The following ZNF609 variants were observed in gnomAD, a reference collection of about 807,000 sequenced individuals.
ZNF609 encodes zinc finger protein 609.
In ZNF609, 11 loss-of-function variants were observed where a neutral mutation model predicts 109.5. That is an observed-to-expected ratio of 0.10 (90% CI 0.06 to 0.17). The LOEUF (loss-of-function observed/expected upper bound fraction) is 0.17, where lower values mean the gene tolerates loss of function less well. ZNF609 is among the 10% of genes least tolerant of loss of function. The pLI is 1.00. For missense variants in ZNF609, 1,559 were observed against 1,772.4 expected (o/e 0.88, Z 2.16); for synonymous variants, 646 against 662.0 (o/e 0.98, Z 0.37).
intron 2 of ZNF609, among the ~76,000 whole-genome samples, chr15:64,588,651 CTT>C (rs71133452): frequency 1.6e-4 from 22 of 135,746 alleles, no homozygotes; most frequent in Middle Eastern, 3.8e-3. Flanking sequence ...GGTCTGTAGT[CTT>C]TTTTTTTTTT....
intron 2 of ZNF609, among the ~76,000 whole-genome samples, chr15:64,588,442 A>AAAAAAAAAAAAAAAAACAAAAAAAAAAAG: frequency 1.3e-5 from 1 of 75,272 alleles, no homozygotes; most frequent in Non-Finnish European, 2.3e-5. Flanking sequence ...AAAAAAAAAA[A>AAAAAAAAAAAAAAAAACAAAAAAAAAAAG]AAGAAGAGGA....
At chr15:64,545,486 A>G (rs1208501857) in intron 2 of ZNF609, among the ~76,000 whole-genome samples, 1 of 152,226 alleles carries the variant, frequency 6.6e-6, no homozygotes, top group Non-Finnish European at 1.5e-5. Context: ...GGCATTAGCC[A>G]ACACACTTCG....
chr15:64,612,896 T>C (rs1049252882), intron 2 of ZNF609, among the ~76,000 whole-genome samples: 3 of 152,040 alleles, frequency 2.0e-5, no homozygotes, highest in African/African-American at 7.2e-5. Context: ...GCGTCTGTAA[T>C]CCCAGCTACC....
At chr15:64,555,946 G>A (rs1595717087) in intron 2 of ZNF609, among the ~76,000 whole-genome samples, 1 of 128,352 alleles carries the variant, frequency 7.8e-6, no homozygotes, top group African/African-American at 2.9e-5. Context: ...ATAGAAAACA[G>A]AAATCACCCA....
At chr15:64,528,238 C>T (rs1334765707) in intron 2 of ZNF609, among the ~76,000 whole-genome samples, 1 of 151,840 alleles carries the variant, frequency 6.6e-6, no homozygotes, top group African/African-American at 2.4e-5. Flanking sequence ...GGTGGGACTA[C>T]AGGTGCGTGC....
chr15:64,490,338 G>T (rs1893396905), intron 1 of ZNF609, among the ~76,000 whole-genome samples: 1 of 149,800 alleles, frequency 6.7e-6, no homozygotes, highest in South Asian at 2.1e-4. Context: ...CAATGGCACG[G>T]TCTCGGCTCA....
chr15:64,567,731 G>A (rs138542909), intron 2 of ZNF609, among the ~76,000 whole-genome samples: 119 of 151,368 alleles, frequency 7.9e-4, no homozygotes, highest in African/African-American at 2.8e-3. Context: ...GCACGATCTC[G>A]GCTCACTGCG....
intron 1 of ZNF609, among the ~76,000 whole-genome samples, chr15:64,464,688 A>G (rs532850628): frequency 7.2e-3 from 101 of 13,946 alleles, no homozygotes; most frequent in African/African-American, 8.5e-3. Flanking sequence ...TGTGACAGAC[A>G]AAATGAAGAT....
chr15:64,579,713 A>C lies in ZNF609; in HGVS notation c.748-43114A>C, dbSNP rs112124336. On this transcript the variant is annotated intron_variant, in intron 2 of 9. Transcript: ENST00000326648. ...CGACACAGGAAAACAAACAAACAAA[A>C]AAAAAAAACTTGTGTTTTTGTATAG... Among the ~76,000 whole-genome samples, 598 of 132,602 alleles carry C rather than the reference A, an allele frequency of 4.5e-3. 2 individuals are homozygous for C. The highest frequency in any genetic ancestry group is 0.016 in the African/African-American group (573 of 36,108). 87.0% of individuals were successfully genotyped at this position (132,602 alleles called of 152,430 possible).
At chr15:64,660,920 T>C (rs1896565564) in intron 3 of ZNF609, among the ~76,000 whole-genome samples, 1 of 152,126 alleles carries the variant, frequency 6.6e-6, no homozygotes, top group South Asian at 2.1e-4. Context: ...GCTTTGTTTT[T>C]CTCCATAGCT....
chr15:64,619,708 A>G (rs1895850122), intron 2 of ZNF609, among the ~76,000 whole-genome samples: 1 of 152,230 alleles, frequency 6.6e-6, no homozygotes, highest in Admixed American at 6.5e-5. Context: ...AGTTTGATGC[A>G]TACTTGTTAA....
chr15:64,541,764 C>G (rs576709735), intron 2 of ZNF609, among the ~76,000 whole-genome samples: 3 of 140,576 alleles, frequency 2.1e-5, no homozygotes, highest in East Asian at 2.3e-4. Flanking sequence ...GGCGTGAACC[C>G]GGGAGGCAGA....
chr15:64,528,582 G>C, intron 2 of ZNF609: 1 of 635,654 alleles, frequency 1.6e-6, no homozygotes, highest in Non-Finnish European at 2.8e-6. Context: ...CAGCTTGGTG[G>C]GGGACTGATT....
At chr15:64,613,960 A>G (rs531286180) in intron 2 of ZNF609, among the ~76,000 whole-genome samples, 9 of 150,352 alleles carry the variant, frequency 6.0e-5, no homozygotes, top group African/African-American at 9.8e-5. Flanking sequence ...GTCTTGCTCT[A>G]TCACCCAGGC....
At chr15:64,466,944 T>A (rs1406186593) in intron 1 of ZNF609, among the ~76,000 whole-genome samples, 1 of 151,934 alleles carries the variant, frequency 6.6e-6, no homozygotes, top group Non-Finnish European at 1.5e-5. Flanking sequence ...TCTTCCCCCC[T>A]CCCCTTGCTC....
chr15:64,471,123 A>T (rs1658761151), intron 1 of ZNF609, among the ~76,000 whole-genome samples: 1 of 152,138 alleles, frequency 6.6e-6, no homozygotes. Flanking sequence ...GCACTTTGAG[A>T]GGCCAAGGCT....
chr15:64,499,941 A>G lies in ZNF609; in HGVS notation c.522A>G (p.Gly174=), dbSNP rs1893537376. ...AGAGCAAGAAGGAGAGAAGCGAAGGAGTGGGGACTTGTTCAGAAAAGGATC... is the reference window on the plus strand; with the variant it reads ...AGAGCAAGAAGGAGAGAAGCGAAGGGGTGGGGACTTGTTCAGAAAAGGATC... ...SSKSKKERSE[G]VGTCSEKDPG... The change falls in exon 2 of 10, where the codon GGA becomes GGG. Residue 174 remains glycine (G), a synonymous_variant. Transcript: ENST00000326648. 6.2e-7 allele frequency: 1 copy of G among 1,614,082 alleles called. No homozygotes were observed. The highest frequency in any genetic ancestry group is 8.5e-7 in the Non-Finnish European group (1 of 1,180,018).
intron 2 of ZNF609, among the ~76,000 whole-genome samples, chr15:64,564,120 G>C (rs142360162): frequency 6.6e-6 from 1 of 151,592 alleles, no homozygotes; most frequent in East Asian, 1.9e-4. Flanking sequence ...TCCCACCCAG[G>C]ATGTAAACTG....
At chr15:64,655,426 A>C (rs1002040596) in intron 3 of ZNF609, among the ~76,000 whole-genome samples, 1 of 152,040 alleles carries the variant, frequency 6.6e-6, no homozygotes, top group African/African-American at 2.4e-5. Flanking sequence ...ACAAGAGCAA[A>C]ACTCCATCCC....
Sources: allele counts gnomAD v4.1 joint callset (sites outside exome capture counted in the v4.1 genomes callset), GRCh38; gene constraint gnomAD v4.1.1; transcripts MANE v1.5; gene names NCBI Gene and HGNC (gene_info 2026-07-23, HGNC 2026-07-21).